Variants in CWH43 observed in about 807,000 individuals in gnomAD.
CWH43 encodes cell wall biogenesis 43 C-terminal homolog.
In CWH43, 91 loss-of-function variants were observed where a neutral mutation model predicts 85.7. That is an observed-to-expected ratio of 1.06 (90% CI 0.90 to 1.26). The LOEUF (loss-of-function observed/expected upper bound fraction) is 1.26. Among genes scored for constraint, CWH43 ranks in the 50% most tolerant of loss-of-function variants. CWH43 has a pLI of 0.00. For synonymous variants in CWH43, 323 were observed against 293.6 expected, an observed-to-expected ratio of 1.10 and a Z score of -1.02; for missense variants, 869 against 839.2, an observed-to-expected ratio of 1.04 and a Z score of -0.44.
intron 8 of CWH43, among the ~76,000 whole-genome samples, chr4:49,012,937 A>G (rs1288251834): frequency 3.9e-5 from 6 of 152,356 alleles, no homozygotes; most frequent in East Asian, 1.9e-4. Context: ...CAGTTAGGCT[A>G]CATGGGGGTC....
At chr4:49,039,419 A>C (rs1168463613) in intron 13 of CWH43, among the ~76,000 whole-genome samples, 1 of 138,548 alleles carries the variant, frequency 7.2e-6, no homozygotes, top group Admixed American at 7.5e-5. Flanking sequence ...ATATACTGAT[A>C]TATATATACA....
At chr4:48,996,772 G>A (rs1481486391) in intron 5 of CWH43, among the ~76,000 whole-genome samples, 1 of 152,180 alleles carries the variant, frequency 6.6e-6, no homozygotes, top group African/African-American at 2.4e-5. Context: ...CAAGAAGAAT[G>A]TAACTAAACT....
rs1418994995 is a variant in CWH43, at chr4:48,991,975, T to C, written c.396T>C (p.Val132=). The change falls in exon 4 of 16, where the codon GTT becomes GTC. Residue 132 remains valine (V), a synonymous_variant. Coordinates refer to ENST00000226432, the MANE Select transcript of CWH43 (RefSeq NM_025087.3). Reference sequence around the variant, plus strand: ...GGGGATTCATTTTAGGACAGATTGTTCTTGTTGTTCTACGCATATGGTATA... The same window carrying C: ...GGGGATTCATTTTAGGACAGATTGTCCTTGTTGTTCTACGCATATGGTATA... ...RIWGFILGQI[V]LVVLRIWYTS... The C allele has an allele frequency of 3.1e-6, 5 of 1,613,814 alleles. No individual in the cohort carries two copies. The highest frequency in any genetic ancestry group is 4.2e-6 in the Non-Finnish European group (5 of 1,179,908).
chr4:48,986,650 A>C (rs1782504522), intron 1 of CWH43, 178 bp downstream of exon 1: 1 of 1,394,252 alleles, frequency 7.2e-7, no homozygotes, highest in Non-Finnish European at 9.3e-7. Flanking sequence ...ATAAAGGAAA[A>C]GACCTAGATT....
chr4:49,024,086 C>T (rs1252763377), intron 9 of CWH43, among the ~76,000 whole-genome samples: 3 of 152,088 alleles, frequency 2.0e-5, no homozygotes, highest in African/African-American at 4.8e-5. Context: ...GTCCTTTTAT[C>T]GTTATGTAAT....
In CWH43 at chr4:48,994,622, G is replaced by A. The variant is rs772880873; in HGVS notation, c.515G>A (p.Gly172Asp). The A allele has an allele frequency of 6.2e-7, 1 of 1,609,520 alleles. No homozygotes were observed. The highest frequency in any genetic ancestry group is 8.5e-7 in the Non-Finnish European group (1 of 1,178,792). ...IATLDRIGTD[G>D]DCSKPEEKKT... ...TATATGTATTTTTAAATTCTAGATG[G>A]TGACTGCAGTAAACCTGAAGAAAAG... is the stretch of plus-strand genomic sequence containing the variant. Residue 172 changes from glycine to aspartate, a missense_variant, in exon 5 of 16, where the codon GGT becomes GAT. Around this residue, in one of 3 missense-constraint regions of CWH43, gnomAD observed 152 missense variants for 203.6 expected, o/e 0.75. Coordinates refer to ENST00000226432, the MANE Select transcript of CWH43 (RefSeq NM_025087.3).
intron 6 of CWH43, among the ~76,000 whole-genome samples, 197 bp downstream of exon 6, chr4:48,998,745 T>C (rs1782896703): frequency 4.6e-5 from 7 of 152,136 alleles, no homozygotes. Context: ...TCCTGCTTCC[T>C]CCTACCTCCG....
chr4:48,989,396 T>C (rs906449504), intron 2 of CWH43, among the ~76,000 whole-genome samples: 1 of 152,166 alleles, frequency 6.6e-6, no homozygotes, highest in African/African-American at 2.4e-5. Flanking sequence ...TGGCACAACC[T>C]CTATGAAGAA....
At chr4:49,028,851 G>A in intron 10 of CWH43, 117 bp downstream of exon 10, 1 of 676,316 alleles carries the variant, frequency 1.5e-6, no homozygotes, top group East Asian at 2.9e-5. Flanking sequence ...ATGACCAGCA[G>A]ATGATCATAA....
intron 7 of CWH43, among the ~76,000 whole-genome samples, chr4:49,006,931 C>A (rs930464890): frequency 6.6e-6 from 1 of 152,178 alleles, no homozygotes; most frequent in African/African-American, 2.4e-5. Context: ...AGCAACCTAA[C>A]AACTAGGAAA....
At chr4:49,004,083 A>C in intron 7 of CWH43, 91 bp downstream of exon 7, 1 of 1,182,156 alleles carries the variant, frequency 8.5e-7, no homozygotes, top group East Asian at 2.5e-5. Flanking sequence ...TAACTGGTGG[A>C]AATAAGCAGG....
At chr4:49,054,642 C>T (rs1784896887) in intron 15 of CWH43, among the ~76,000 whole-genome samples, 1 of 152,042 alleles carries the variant, frequency 6.6e-6, no homozygotes, top group Non-Finnish European at 1.5e-5. Context: ...TTCATGAACA[C>T]CAGATGTGTT....
intron 8 of CWH43, among the ~76,000 whole-genome samples, chr4:49,016,496 C>T (rs936960577): frequency 2.0e-5 from 3 of 152,082 alleles, no homozygotes; most frequent in African/African-American, 7.2e-5. Context: ...CAAGGAGAAG[C>T]CACCTTGGTG....
chr4:48,998,339 G>C, intron 5 of CWH43, 121 bp from the exon 6 acceptor site: 1 of 706,536 alleles, frequency 1.4e-6, no homozygotes, highest in Non-Finnish European at 2.5e-6. Flanking sequence ...GATCTCACTG[G>C]TTGTTTCACA....
chr4:49,039,912 CAGTCTCCAG>C (rs1473267812), intron 13 of CWH43, among the ~76,000 whole-genome samples: 3 of 152,028 alleles, frequency 2.0e-5, no homozygotes, highest in African/African-American at 2.4e-5. Flanking sequence ...CACCCCACAA[CAGTCTCCAG>C]AGTGTGATGT....
chr4:49,059,803 C>A (rs866299789), intron 15 of CWH43, among the ~76,000 whole-genome samples: 24 of 151,680 alleles, frequency 1.6e-4, no homozygotes, highest in African/African-American at 5.6e-4. Flanking sequence ...AGGGACTGGA[C>A]TTGAAGTCTG....
At chr4:48,993,252 G>A (rs1322673221) in intron 4 of CWH43, among the ~76,000 whole-genome samples, 1 of 152,078 alleles carries the variant, frequency 6.6e-6, no homozygotes, top group Non-Finnish European at 1.5e-5. Flanking sequence ...GTCCTGGGTG[G>A]GGGTGGAGTC....
chr4:49,032,358 G>C (rs1285009701), intron 11 of CWH43, among the ~76,000 whole-genome samples: 3 of 152,172 alleles, frequency 2.0e-5, no homozygotes, highest in African/African-American at 7.2e-5. Flanking sequence ...AGTTGATGGT[G>C]TTTCCTTAGT....
chr4:49,009,689 C>T (rs1783288229), intron 8 of CWH43, among the ~76,000 whole-genome samples: 1 of 152,062 alleles, frequency 6.6e-6, no homozygotes, highest in East Asian at 1.9e-4. Flanking sequence ...GCATGAAGCA[C>T]TGTTGAATTT....
Sources: gnomAD v4.1 joint callset for allele counts (sites outside exome capture counted in the v4.1 genomes callset) on GRCh38, gnomAD v4.1.1 for gene constraint, gnomAD v4.1.1 regional missense constraint, MANE v1.5 for transcripts, NCBI Gene and HGNC (gene_info 2026-07-23, HGNC 2026-07-21) for gene names.